Variants in ZNF385D observed in about 807,000 individuals in gnomAD.
ZNF385D encodes zinc finger protein 385D, also known as zinc finger protein 659.
ZNF385D carries 15 observed loss-of-function variants against 35.8 expected under a neutral mutation model. The observed-to-expected ratio is 0.42, with a 90% CI of 0.28 to 0.64. The LOEUF (loss-of-function observed/expected upper bound fraction) is 0.64, where lower values mean the gene tolerates loss of function less well. Among genes scored for constraint, ZNF385D ranks in the 30% least tolerant of loss-of-function variants. The pLI is 0.23. For missense variants in ZNF385D, 474 were observed against 494.6 expected, an observed-to-expected ratio of 0.96 and a Z score of 0.39; for synonymous variants, 212 against 186.8, an observed-to-expected ratio of 1.13 and a Z score of -1.10.
intron 2 of ZNF385D, among the ~76,000 whole-genome samples, chr3:22,244,894 T>C (rs1699691639): frequency 7.0e-6 from 1 of 142,444 alleles, no homozygotes; most frequent in African/African-American, 2.7e-5. Context: ...CATCACTGCG[T>C]CTCCTCAGGT....
At chr3:21,965,099 C>T (rs148890707) in intron 3 of ZNF385D, among the ~76,000 whole-genome samples, 13 of 152,152 alleles carry the variant, frequency 8.5e-5, no homozygotes, top group African/African-American at 1.7e-4. Flanking sequence ...AGAGACTGAA[C>T]ACAGTATGAA....
intron 3 of ZNF385D, among the ~76,000 whole-genome samples, chr3:21,814,753 T>A (rs1299029736): frequency 6.6e-6 from 1 of 152,160 alleles, no homozygotes; most frequent in Non-Finnish European, 1.5e-5. Context: ...AACACCCCAC[T>A]GTCAACATTA....
chr3:21,818,332 T>C (rs1259290312), intron 3 of ZNF385D, among the ~76,000 whole-genome samples: 2 of 152,182 alleles, frequency 1.3e-5, no homozygotes, highest in Admixed American at 6.5e-5. Context: ...GGTATAATAA[T>C]AACAAAAGAT....
intron 2 of ZNF385D, among the ~76,000 whole-genome samples, chr3:22,232,713 T>C (rs1424673890): frequency 2.6e-5 from 4 of 152,312 alleles, no homozygotes; most frequent in Non-Finnish European, 4.4e-5. Flanking sequence ...GCAAAGGAGA[T>C]GAACTCATCC....
At chr3:22,017,850 A>G (rs1696983046) in intron 3 of ZNF385D, among the ~76,000 whole-genome samples, 1 of 151,976 alleles carries the variant, frequency 6.6e-6, no homozygotes, top group African/African-American at 2.4e-5. Context: ...TAATATGTTT[A>G]CATACGTATT....
Position 21,421,467 on chromosome 3 carries a change from T to A in ZNF385D, c.955-20A>T. 1 of 1,578,982 alleles carries A rather than the reference T, an allele frequency of 6.3e-7. No homozygotes were observed. On this transcript the variant is annotated intron_variant, in intron 7 of 7. Coordinates refer to ENST00000281523, the MANE Select transcript of ZNF385D (RefSeq NM_024697.3). ...TTTTACCTGCAAGGGAGAAAAAATA[T>A]TGTAAAAAAAACAACAGTTTTGGAA...
At chr3:22,095,948 A>G (rs779170) in intron 3 of ZNF385D, among the ~76,000 whole-genome samples, 96,695 of 151,620 alleles carry the variant, frequency 0.64, 31,631 homozygotes, top group Non-Finnish European at 0.7. Context: ...CTTTTTTGAG[A>G]GATACATTTT....
At chr3:22,032,344 C>A (rs898682235) in intron 3 of ZNF385D, among the ~76,000 whole-genome samples, 1 of 152,162 alleles carries the variant, frequency 6.6e-6, no homozygotes, top group African/African-American at 2.4e-5. Context: ...TACTTCTTGA[C>A]AAGGCAGCAG....
intron 1 of ZNF385D, among the ~76,000 whole-genome samples, chr3:21,703,474 G>T (rs2067771735): frequency 6.6e-6 from 1 of 151,986 alleles, no homozygotes; most frequent in Non-Finnish European, 1.5e-5. Context: ...CCTTGCCCAG[G>T]ATATTGTGCA....
chr3:22,265,680 G>A (rs944681334), intron 2 of ZNF385D, among the ~76,000 whole-genome samples: 2 of 151,918 alleles, frequency 1.3e-5, no homozygotes, highest in Non-Finnish European at 2.9e-5. Context: ...ATGAGAGGAA[G>A]GAGTGATCAG....
At position 21,890,730 on chromosome 3, in the gene ZNF385D, A is replaced by G. The variant is rs140631170; in HGVS notation, c.326-225702T>C. On this transcript the variant is annotated intron_variant, in intron 3 of 5. Coordinates refer to the ZNF385D transcript ENST00000494108. ...CTTAAGGAAGTAGAGAAATGGCAAAATGGGCAGCTCAAGTATTCAAGAGAA... is the reference window on the plus strand; with the variant it reads ...CTTAAGGAAGTAGAGAAATGGCAAAGTGGGCAGCTCAAGTATTCAAGAGAA... Among the ~76,000 whole-genome samples, 203 of 152,290 alleles carry G rather than the reference A, an allele frequency of 1.3e-3. 2 individuals are homozygous for G. Among genetic ancestry groups the G allele is most frequent in the African/African-American group, 4.5e-3 (188 of 41,572 alleles).
intron 3 of ZNF385D, among the ~76,000 whole-genome samples, chr3:22,085,239 C>A (rs141921220): frequency 2.0e-5 from 3 of 152,132 alleles, no homozygotes; most frequent in African/African-American, 4.8e-5. Flanking sequence ...CAGAGCAGAA[C>A]TGAAGGAGAT....
intron 3 of ZNF385D, among the ~76,000 whole-genome samples, chr3:21,945,608 AT>A: frequency 6.6e-6 from 1 of 152,310 alleles, no homozygotes; most frequent in Admixed American, 6.5e-5. Context: ...TGGACTAAGA[AT>A]TTTACACCAT....
At chr3:21,816,869 T>C (rs1159372877) in intron 3 of ZNF385D, among the ~76,000 whole-genome samples, 1 of 152,208 alleles carries the variant, frequency 6.6e-6, no homozygotes, top group Non-Finnish European at 1.5e-5. Context: ...AGAGCCTCCA[T>C]TGCCAAGACA....
chr3:21,451,020 ACAGAAT>A (rs1196643633), intron 4 of ZNF385D, among the ~76,000 whole-genome samples: 2 of 152,058 alleles, frequency 1.3e-5, no homozygotes, highest in African/African-American at 4.8e-5. Flanking sequence ...TCAAGATAAG[ACAGAAT>A]TAGAAAGGAA....
At chr3:22,228,979 A>G (rs1420461528) in intron 2 of ZNF385D, among the ~76,000 whole-genome samples, 1 of 152,180 alleles carries the variant, frequency 6.6e-6, no homozygotes, top group East Asian at 1.9e-4. Flanking sequence ...TCTCCTTTGT[A>G]CTTTTGAAGT....
At chr3:22,238,264 T>G (rs1699301884) in intron 2 of ZNF385D, among the ~76,000 whole-genome samples, 1 of 151,064 alleles carries the variant, frequency 6.6e-6, no homozygotes, top group Non-Finnish European at 1.5e-5. Context: ...CTTTTTTGGT[T>G]TTTCTTTTCC....
chr3:22,330,384 T>C (rs559733889), intron 2 of ZNF385D, among the ~76,000 whole-genome samples: 3 of 152,310 alleles, frequency 2.0e-5, no homozygotes, highest in Admixed American at 2.0e-4. Context: ...AAGGTAAAAA[T>C]TATTCAAGTA....
Position 21,865,287 on chromosome 3 carries a change from C to T in ZNF385D, c.326-200259G>A, listed in dbSNP as rs544023848. Among the ~76,000 whole-genome samples, 9 of 151,862 alleles carry T rather than the reference C, an allele frequency of 5.9e-5. No homozygotes were observed. In the East Asian group the frequency reaches 1.2e-3, roughly 20 times the overall value. ...AGATGGAATCAATACACAGTGGAAT[C>T]TCAAAACTCATTTCATGCTAGTTTT... On this transcript the variant is annotated intron_variant, in intron 3 of 5. Transcript: ENST00000494108.
Sources: allele counts gnomAD v4.1 joint callset (sites outside exome capture counted in the v4.1 genomes callset), GRCh38; gene constraint gnomAD v4.1.1; transcripts MANE v1.5; gene names NCBI Gene and HGNC (gene_info 2026-07-23, HGNC 2026-07-21).